Variants in IGF2BP2 observed in about 807,000 individuals in gnomAD.
IGF2BP2 encodes insulin like growth factor 2 mRNA binding protein 2, also known as insulin-like growth factor 2 mRNA-binding protein 2.
In IGF2BP2, 17 loss-of-function variants were observed where a neutral mutation model predicts 75.8. The observed-to-expected ratio is 0.22, with a 90% confidence interval of 0.15 to 0.34. IGF2BP2 has a LOEUF of 0.34. Ranked by LOEUF, IGF2BP2 falls within the 10% of genes least tolerant of loss-of-function variation. The probability of loss-of-function intolerance (pLI) is 1.00; values close to 1 mark genes in which losing one functional copy is unlikely to be tolerated. For synonymous variants in IGF2BP2, 288 were observed against 295.6 expected (o/e 0.97, Z 0.26); for missense variants, 516 against 772.4 (o/e 0.67, Z 3.93).
At chr3:185,714,478 T>TG (rs1277309330) in intron 2 of IGF2BP2, among the ~76,000 whole-genome samples, 1 of 152,220 alleles carries the variant, frequency 6.6e-6, no homozygotes, top group Non-Finnish European at 1.5e-5. Flanking sequence ...GAACAGTTAT[T>TG]GGGCTGTGCA....
intron 5 of IGF2BP2, 116 bp downstream of exon 5, chr3:185,692,583 C>A (rs1464455677): frequency 3.4e-6 from 3 of 893,210 alleles, no homozygotes; most frequent in East Asian, 2.6e-5. Flanking sequence ...AAAGGTGGCA[C>A]ATATCCAGCT....
chr3:185,652,254 A>G, intron 12 of IGF2BP2, 86 bp from the exon 13 acceptor site: 1 of 1,142,054 alleles, frequency 8.8e-7, no homozygotes, highest in African/African-American at 1.5e-5. Flanking sequence ...CAAGCATACC[A>G]GCAGGAGGTT....
intron 10 of IGF2BP2, among the ~76,000 whole-genome samples, chr3:185,665,600 GGAA>G (rs1377406002): frequency 7.0e-5 from 7 of 100,354 alleles, no homozygotes; most frequent in African/African-American, 2.0e-4. Context: ...AAGAAGAAAA[GGAA>G]GAAGAAGGAG....
At chr3:185,776,995 T>C (rs1302103077) in intron 2 of IGF2BP2, among the ~76,000 whole-genome samples, 2 of 152,076 alleles carry the variant, frequency 1.3e-5, no homozygotes, top group Admixed American at 6.5e-5. Flanking sequence ...AGAAAGAAAG[T>C]AGGGTTAAAA....
chr3:185,707,108 CCA>C (rs1274619460), intron 2 of IGF2BP2, among the ~76,000 whole-genome samples: 9 of 151,356 alleles, frequency 5.9e-5, no homozygotes. Flanking sequence ...GCCTGTAATC[CCA>C]GTTACTCGAG....
intron 2 of IGF2BP2, among the ~76,000 whole-genome samples, chr3:185,796,913 G>T (rs571921236): frequency 1.3e-5 from 2 of 152,268 alleles, no homozygotes; most frequent in African/African-American, 4.8e-5. Context: ...TTGTCATCAA[G>T]ATTCCTGACA....
rs757933404 is a variant in IGF2BP2, at chr3:185,672,634, G to A, written c.1107C>T (p.Ser369=). 22 of 1,613,942 alleles carry A rather than the reference G, an allele frequency of 1.4e-5. No individual in the cohort carries two copies. The highest frequency in any genetic ancestry group is 1.1e-4 in the East Asian group (5 of 44,884). The change falls in exon 10 of 16, where the codon AGC becomes AGT. Residue 369 remains serine (S), a synonymous_variant. Transcript: ENST00000382199. ...GTCCTGTTGAAAAGATGCCAAGTGC[G>A]CTGAGGTTCAACCCTGGGATCAGAT... ...QANLIPGLNL[S]ALGIFSTGLS... is the part of the protein sequence containing the mutation.
intron 2 of IGF2BP2, among the ~76,000 whole-genome samples, chr3:185,777,454 A>T (rs530151835): frequency 6.6e-6 from 1 of 152,214 alleles, no homozygotes; most frequent in East Asian, 1.9e-4. Flanking sequence ...TCGCACCACT[A>T]GCCTCTAGCC....
intron 2 of IGF2BP2, 116 bp from the exon 3 acceptor site, chr3:185,698,463 G>A (rs991561732): frequency 2.5e-5 from 22 of 893,672 alleles, no homozygotes; most frequent in Non-Finnish European, 3.7e-5. Flanking sequence ...GTTCACCATG[G>A]CATCAACAAA....
chr3:185,655,843 G>C (rs1715352219), intron 12 of IGF2BP2, among the ~76,000 whole-genome samples: 1 of 152,208 alleles, frequency 6.6e-6, no homozygotes, highest in African/African-American at 2.4e-5. Flanking sequence ...TCAGCTTTGT[G>C]GCCTTGGACA....
chr3:185,651,889 A>T (rs1714664287), intron 13 of IGF2BP2, among the ~76,000 whole-genome samples: 1 of 152,200 alleles, frequency 6.6e-6, no homozygotes, highest in Non-Finnish European at 1.5e-5. Flanking sequence ...CTACTTTTCC[A>T]TGAGAGGGAA....
intron 2 of IGF2BP2, among the ~76,000 whole-genome samples, chr3:185,800,997 C>T (rs1738171308): frequency 6.7e-6 from 1 of 148,676 alleles, no homozygotes; most frequent in Non-Finnish European, 1.5e-5. Context: ...CTACAAGGAA[C>T]TTAAACAAAC....
intron 2 of IGF2BP2, among the ~76,000 whole-genome samples, chr3:185,822,904 C>T (rs1741546584): frequency 6.6e-6 from 1 of 151,730 alleles, no homozygotes; most frequent in African/African-American, 2.4e-5. Context: ...TCCCAGCGAA[C>T]TGAACATAGC....
At chr3:185,722,411 G>T in intron 2 of IGF2BP2, 1 of 349,364 alleles carries the variant, frequency 2.9e-6, no homozygotes, top group Non-Finnish European at 5.6e-6. Flanking sequence ...CTACAGCATT[G>T]CCTTCTACTT....
chr3:185,653,600 G>A (rs1395355998), intron 12 of IGF2BP2, among the ~76,000 whole-genome samples: 2 of 151,640 alleles, frequency 1.3e-5, no homozygotes, highest in African/African-American at 4.8e-5. Context: ...GTGACAGAGC[G>A]AGACTCCGTC....
chr3:185,741,970 A>C (rs1469072883), intron 2 of IGF2BP2, among the ~76,000 whole-genome samples: 1 of 152,182 alleles, frequency 6.6e-6, no homozygotes, highest in Non-Finnish European at 1.5e-5. Context: ...ACTTACACTA[A>C]AAATGGTGTT....
chr3:185,797,494 G>GT (rs1737582857), intron 2 of IGF2BP2, among the ~76,000 whole-genome samples: 1 of 152,210 alleles, frequency 6.6e-6, no homozygotes, highest in Admixed American at 6.5e-5. Context: ...CTAATGCCTG[G>GT]TTTTTCAGTT....
intron 2 of IGF2BP2, among the ~76,000 whole-genome samples, chr3:185,732,480 A>G (rs1728319182): frequency 6.6e-6 from 1 of 152,166 alleles, no homozygotes; most frequent in African/African-American, 2.4e-5. Context: ...TGATATAGTT[A>G]AGACTGGTGT....
intron 10 of IGF2BP2, among the ~76,000 whole-genome samples, chr3:185,670,465 G>T (rs988709902): frequency 3.9e-5 from 6 of 152,188 alleles, no homozygotes; most frequent in African/African-American, 1.4e-4. Context: ...AACAGCCATG[G>T]CTGTGTCCCC....
Sources: allele counts gnomAD v4.1 joint callset (sites outside exome capture counted in the v4.1 genomes callset), GRCh38; gene constraint gnomAD v4.1.1; transcripts MANE v1.5; gene names NCBI Gene and HGNC (gene_info 2026-07-23, HGNC 2026-07-21).